Variants in BAP1 observed in about 807,000 individuals in gnomAD.
The protein encoded by BAP1 is ubiquitin carboxyl-terminal hydrolase BAP1.
Under a neutral mutation model 77.2 loss-of-function variants are expected in BAP1, and 16 were observed. The observed-to-expected ratio is 0.21, with a 90% CI of 0.14 to 0.31. The LOEUF is 0.31. Among genes scored for constraint, BAP1 ranks in the 10% least tolerant of loss-of-function variants. BAP1 has a pLI of 1.00. For synonymous variants in BAP1, 362 were observed against 385.2 expected, an observed-to-expected ratio of 0.94 and a Z score of 0.71; for missense variants, 699 against 967.3, an observed-to-expected ratio of 0.72 and a Z score of 3.68.
chr3:52,402,313 C>A lies in BAP1; in HGVS notation c.2165G>T (p.Arg722Leu). ...TCACTGGCGCTTGGCCTTGTAGGGG[C>A]GAGAGCGTTTCCGCCGGTCAGGCTT... The part of the protein sequence containing the change: ...QRKPDRRKRS[R>L]PYKAKRQ The change falls in exon 17 of 17, where the codon CGC (arginine) becomes CTC (leucine). Residue 722 changes from arginine to leucine, a missense_variant. By Grantham distance (102) the Arg-to-Leu change is moderately radical. This residue lies in a region of BAP1 where 64 missense variants were observed against 112.1 expected (regional missense o/e 0.57). Coordinates refer to ENST00000460680, the MANE Select transcript of BAP1 (RefSeq NM_004656.4). The surrounding 1 kb of genome is among the most constrained non-coding windows in gnomAD (Gnocchi z 5.3). The A allele has an allele frequency of 6.3e-7, 1 of 1,598,168 alleles. No homozygotes were observed. Among genetic ancestry groups the A allele is most frequent in the East Asian group, 2.3e-5 (1 of 44,256 alleles).
At position 52,407,858 on chromosome 3, in the gene BAP1, G is replaced by A; in HGVS notation, c.375+100C>T. 3 of 1,545,490 alleles carry A rather than the reference G, an allele frequency of 1.9e-6. No homozygotes were observed. The South Asian group carries it at 3.4e-5, about 18-fold the overall frequency. On this transcript the variant is annotated intron_variant, in intron 5 of 16. Coordinates refer to ENST00000460680, the MANE Select transcript of BAP1 (RefSeq NM_004656.4). Reference sequence around the variant, plus strand: ...TAAACAATCATTTGAAAAAGAAACAGCCTAATAGTACCCAATATCATGTGG... The same window carrying A: ...TAAACAATCATTTGAAAAAGAAACAACCTAATAGTACCCAATATCATGTGG...
chr3:52,406,616 C>T lies in BAP1; in HGVS notation c.659+213G>A. 1.2e-6 allele frequency: 1 copy of T among 862,542 alleles called. No individual in the cohort carries two copies. Among genetic ancestry groups the T allele is most frequent in the South Asian group, 1.6e-5 (1 of 61,310 alleles). 53.4% of individuals were successfully genotyped at this position (862,542 alleles called of 1,614,324 possible). On this transcript the variant is annotated intron_variant, in intron 8 of 16. Transcript: ENST00000460680. The surrounding 1 kb of genome is among the most constrained non-coding windows in gnomAD (Gnocchi z 4.6). ...CAGACCTGGGCTGCCTAAGGCTCCA[C>T]TGAGGCCTGCCCCTCCCCCAGCCCA...
rs1705167984 is a variant in BAP1 at position 52,406,622 on chromosome 3, C to A, written c.659+207G>T. 3 of 853,894 alleles carry A rather than the reference C, an allele frequency of 3.5e-6. No homozygotes were observed. The highest frequency in any genetic ancestry group is 5.5e-6 in the Non-Finnish European group (3 of 546,178). 52.9% of individuals were successfully genotyped at this position (853,894 alleles called of 1,614,324 possible). A position where few individuals can be genotyped will look rare whatever the true frequency, so the allele number is the denominator to read the frequency against. ...TGGGCTGCCTAAGGCTCCACTGAGG[C>A]CTGCCCCTCCCCCAGCCCACCCAGG... On this transcript the variant is annotated intron_variant, in intron 8 of 16. Coordinates refer to ENST00000460680, the MANE Select transcript of BAP1 (RefSeq NM_004656.4). The surrounding 1 kb of genome is among the most constrained non-coding windows in gnomAD (Gnocchi z 4.6).
chr3:52,408,214 C>A, intron 4 of BAP1, 137 bp from the exon 5 acceptor site: 1 of 1,440,278 alleles, frequency 6.9e-7, no homozygotes, highest in Non-Finnish European at 9.5e-7. Context: ...TCATCTTTGC[C>A]TAATGTTTAT....
At position 52,406,608 on chromosome 3, in the gene BAP1, A is replaced by G; in HGVS notation, c.659+221T>C. Reference sequence around the variant, plus strand: ...TGAACCAGCAGACCTGGGCTGCCTAAGGCTCCACTGAGGCCTGCCCCTCCC... The same window carrying G: ...TGAACCAGCAGACCTGGGCTGCCTAGGGCTCCACTGAGGCCTGCCCCTCCC... On this transcript the variant is annotated intron_variant, in intron 8 of 16. Coordinates refer to ENST00000460680, the MANE Select transcript of BAP1 (RefSeq NM_004656.4). This position sits in a 1 kb window ranked among gnomAD's most constrained non-coding sequence, Gnocchi z 4.6. 1 of 875,068 alleles carries G rather than the reference A, an allele frequency of 1.1e-6. No individual in the cohort carries two copies. The highest frequency in any genetic ancestry group is 1.8e-6 in the Non-Finnish European group (1 of 564,518). The allele number at this position is 875,068 out of a possible 1,614,324, so 54.2% of individuals were successfully genotyped here. A position where few individuals can be genotyped will look rare whatever the true frequency, so the allele number is the denominator to read the frequency against.
chr3:52,407,715 G>A (rs1458770054), intron 5 of BAP1, among the ~76,000 whole-genome samples: 1 of 152,188 alleles, frequency 6.6e-6, no homozygotes, highest in Non-Finnish European at 1.5e-5. Context: ...GACAGAGAAG[G>A]TTCTGACATG....
rs545682192 is a variant in BAP1, at chr3:52,403,294, A to T, written c.1734T>A (p.Gly578=). ...TGATGGAGGGCGAGGAACCCTTCCC[A>T]CCCTCTGGGAAGAGAGGTCACAAGA... ...GVLSPLALTE[G]GKGSSPSIRP... Residue 578 remains glycine (G), a synonymous_variant, in exon 14 of 17, where the codon GGT becomes GGA. Transcript: ENST00000460680. This position sits in a 1 kb window ranked among gnomAD's most constrained non-coding sequence, Gnocchi z 4.0. The T allele has an allele frequency of 4.3e-6, 7 of 1,613,422 alleles. No homozygotes were observed. The African/African-American group carries it at 9.3e-5, about 22-fold the overall frequency.
intron 3 of BAP1, among the ~76,000 whole-genome samples, chr3:52,409,255 G>C (rs1424036592): frequency 6.6e-6 from 1 of 152,202 alleles, no homozygotes; most frequent in African/African-American, 2.4e-5. Flanking sequence ...TTACACAACT[G>C]CACAAAAGAC....
chr3:52,401,922 G>A lies in BAP1; in HGVS notation c.*366C>T, dbSNP rs367760798. On this transcript the variant is annotated 3_prime_UTR_variant, in exon 17 of 17. Transcript: ENST00000460680. ...AAAGCATAGTCAGGTAGGAACTTAT[G>A]TCAACATGGTGGCATGTTGGGTTGG... 2.2e-5 allele frequency: 9 copies of A among 415,004 alleles called. No individual in the cohort carries two copies. The East Asian group carries it at 3.7e-4, about 17-fold the overall frequency. 25.7% of individuals were successfully genotyped at this position (415,004 alleles called of 1,614,324 possible).
chr3:52,407,112 A>G, intron 7 of BAP1, 62 bp downstream of exon 7: 1 of 1,610,262 alleles, frequency 6.2e-7, no homozygotes, highest in Non-Finnish European at 8.5e-7. Context: ...GAGGGCCCTG[A>G]GCCCCAGCTC....
Position 52,406,701 on chromosome 3 carries a change from G to T in BAP1, c.659+128C>A. ...ATAAGACAACAAGTTGAGAACCCAT[G>T]ATCTAAGCCTGATCTTGCCAGATTC... On this transcript the variant is annotated intron_variant, in intron 8 of 16. Coordinates refer to ENST00000460680, the MANE Select transcript of BAP1 (RefSeq NM_004656.4). The surrounding 1 kb of genome is among the most constrained non-coding windows in gnomAD (Gnocchi z 4.6). The T allele has an allele frequency of 8.6e-7, 1 of 1,159,576 alleles. No individual in the cohort carries two copies. The highest frequency in any genetic ancestry group is 1.2e-6 in the Non-Finnish European group (1 of 801,202). The allele number at this position is 1,159,576 out of a possible 1,614,324, so 71.8% of individuals were successfully genotyped here.
At position 52,402,578 on chromosome 3, in the gene BAP1, T is replaced by A. The variant is rs754545790; in HGVS notation, c.2056+24A>T. The A allele has an allele frequency of 1.3e-5, 21 of 1,613,762 alleles. No homozygotes were observed. In the South Asian group the frequency reaches 2.3e-4, roughly 18 times the overall value. ...ACGGCCCTCAGCAGGGCATTCCAGT[T>A]AAGACAGCAGCGCATCCCCTCACCT... is the stretch of plus-strand genomic sequence containing the variant. On this transcript the variant is annotated intron_variant, in intron 16 of 16. Transcript: ENST00000460680. The surrounding 1 kb of genome is among the most constrained non-coding windows in gnomAD (Gnocchi z 5.3).
intron 10 of BAP1, 130 bp from the exon 11 acceptor site, chr3:52,405,424 G>T: frequency 1.2e-6 from 1 of 854,634 alleles, no homozygotes; most frequent in Non-Finnish European, 1.7e-6. Context: ...ATGGGAGTCA[G>T]CAAGCTCTAA....
Position 52,402,112 on chromosome 3 carries a change from G to T in BAP1, c.*176C>A. Reference sequence around the variant, plus strand: ...CTGAGCACTATGGGGCTGATCTGCCGTGTCAGGCCTCAGGGCACGATGGAA... The same window carrying T: ...CTGAGCACTATGGGGCTGATCTGCCTTGTCAGGCCTCAGGGCACGATGGAA... On this transcript the variant is annotated 3_prime_UTR_variant, in exon 17 of 17. Coordinates refer to ENST00000460680, the MANE Select transcript of BAP1 (RefSeq NM_004656.4). This position sits in a 1 kb window ranked among gnomAD's most constrained non-coding sequence, Gnocchi z 5.3. 8.9e-7 allele frequency: 1 copy of T among 1,123,460 alleles called. No individual in the cohort carries two copies. Among genetic ancestry groups the T allele is most frequent in the Non-Finnish European group, 1.3e-6 (1 of 798,412 alleles). The allele number at this position is 1,123,460 out of a possible 1,614,324, so 69.6% of individuals were successfully genotyped here.
In BAP1 at chr3:52,406,418, GC is replaced by G; in HGVS notation, c.660-43del. 1 of 1,609,288 alleles carries G rather than the reference GC, an allele frequency of 6.2e-7. No individual in the cohort carries two copies. ...AGCCGTGAGAGCAGCTCCCGCCCCG[GC>G]CCCGCCATCAGGTTGAGGCAGATAT... On this transcript the variant is annotated intron_variant, in intron 8 of 16. Coordinates refer to ENST00000460680, the MANE Select transcript of BAP1 (RefSeq NM_004656.4). This position sits in a 1 kb window ranked among gnomAD's most constrained non-coding sequence, Gnocchi z 4.6.
chr3:52,403,191 T>C lies in BAP1; in HGVS notation c.1837A>G (p.Thr613Ala), dbSNP rs749728488. 51 of 1,614,152 alleles carry C rather than the reference T, an allele frequency of 3.2e-5. No individual in the cohort carries two copies. The highest frequency in any genetic ancestry group is 4.3e-5 in the Non-Finnish European group (51 of 1,180,040). ...VVEATDSREKTGMVRPGEPLS... is the reference protein window; with the variant it reads ...VVEATDSREKAGMVRPGEPLS... ...GGCTCGCCAGGCCTCACCATCCCCG[T>C]CTTCTCTCTGCTGTCCGTGGCTTCC... Residue 613 changes from threonine (T) to alanine (A), a missense_variant, in exon 14 of 17, where the codon ACG (threonine) becomes GCG (alanine). Transcript: ENST00000460680. The surrounding 1 kb of genome is among the most constrained non-coding windows in gnomAD (Gnocchi z 4.0).
At chr3:52,407,864 T>C (rs147945546) in intron 5 of BAP1, 94 bp downstream of exon 5, 5 of 1,565,304 alleles carry the variant, frequency 3.2e-6, no homozygotes, top group East Asian at 2.3e-5. Context: ...AACAGCCTAA[T>C]AGTACCCAAT....
chr3:52,404,714 C>A, intron 11 of BAP1, 128 bp from the exon 12 acceptor site: 1 of 1,379,946 alleles, frequency 7.2e-7, no homozygotes, highest in South Asian at 1.3e-5. Context: ...CCAGCTGTTC[C>A]ATGGCCTGTC....
Position 52,403,242 on chromosome 3 carries a change from T to C in BAP1, c.1786A>G (p.Ser596Gly), listed in dbSNP as rs79014342. Residue 596 changes from serine to glycine, a missense_variant, in exon 14 of 17, where the codon AGC becomes GGC. Ser to Gly is a moderately conservative substitution (Grantham distance 56, BLOSUM62 0). Around this residue, in one of 3 missense-constraint regions of BAP1, gnomAD observed 475 missense variants for 532.4 expected, o/e 0.89. Transcript: ENST00000460680. This position sits in a 1 kb window ranked among gnomAD's most constrained non-coding sequence, Gnocchi z 4.0. ...IRPIQGSQGS[S>G]SPVEKEVVEA... ...ACGACCTCCTTCTCCACTGGGCTGC[T>C]GGACCCCTGGCTGCCTTGGATTGGT... 7,156 of 1,614,170 alleles carry C rather than the reference T, an allele frequency of 4.4e-3. 250 individuals are homozygous for C. In the African/African-American group the frequency reaches 0.077, roughly 17 times the overall value.
Sources: gnomAD v4.1 joint callset for allele counts (sites outside exome capture counted in the v4.1 genomes callset) on GRCh38, gnomAD v4.1.1 for gene constraint, gnomAD v4.1.1 regional missense constraint, Gnocchi (gnomAD v3.1) non-coding constraint, MANE v1.5 for transcripts, NCBI Gene and HGNC (gene_info 2026-07-23, HGNC 2026-07-21) for gene names.